The following TEX10 variants were observed in gnomAD, a reference collection of about 807,000 sequenced individuals.
The protein encoded by TEX10 is testis-expressed protein 10.
In TEX10, 24 loss-of-function variants were observed where a neutral mutation model predicts 104.4. The ratio of observed to expected loss-of-function variants is 0.23; its 90% CI spans 0.17 to 0.32. The LOEUF (loss-of-function observed/expected upper bound fraction) is 0.32, where lower values mean the gene tolerates loss of function less well. Ranked by LOEUF, TEX10 falls within the 10% of genes least tolerant of loss-of-function variation. The pLI is 1.00. For missense variants in TEX10, 921 were observed against 1,083.9 expected (o/e 0.85, Z 2.11); for synonymous variants, 396 against 393.4 (o/e 1.01, Z -0.08).
At chr9:100,338,476 C>G (rs1835068406) in intron 5 of TEX10, among the ~76,000 whole-genome samples, 1 of 152,192 alleles carries the variant, frequency 6.6e-6, no homozygotes, top group Non-Finnish European at 1.5e-5. Context: ...CAAGCTTCTT[C>G]CCTTCTTTGT....
intron 7 of TEX10, among the ~76,000 whole-genome samples, chr9:100,328,938 C>T (rs1450614621): frequency 6.6e-6 from 1 of 152,202 alleles, no homozygotes. Flanking sequence ...AGTCTTTTAT[C>T]TGTTCAGATA....
At chr9:100,338,908 G>C (rs1035799855) in intron 5 of TEX10, among the ~76,000 whole-genome samples, 4 of 151,534 alleles carry the variant, frequency 2.6e-5, no homozygotes, top group African/African-American at 9.7e-5. Context: ...AATCACTGTC[G>C]CAGTTTCTGT....
chr9:100,311,704 T>C (rs2118839008), intron 11 of TEX10, among the ~76,000 whole-genome samples: 1 of 152,276 alleles, frequency 6.6e-6, no homozygotes, highest in Non-Finnish European at 1.5e-5. Context: ...GTAAAACCCC[T>C]AGTATTTTTA....
intron 7 of TEX10, among the ~76,000 whole-genome samples, chr9:100,328,382 C>A (rs1403062422): frequency 6.6e-6 from 1 of 152,114 alleles, no homozygotes; most frequent in Non-Finnish European, 1.5e-5. Context: ...TTCACTAGGT[C>A]CCCTGAAAGG....
intron 8 of TEX10, 46 bp from the exon 9 acceptor site, chr9:100,326,525 C>T (rs1834709190): frequency 2.6e-6 from 4 of 1,543,608 alleles, no homozygotes; most frequent in Non-Finnish European, 2.6e-6. Flanking sequence ...AAAAGACATG[C>T]AAACCAGAGA....
intron 5 of TEX10, among the ~76,000 whole-genome samples, chr9:100,331,852 T>G (rs1292503324): frequency 6.6e-6 from 1 of 152,186 alleles, no homozygotes; most frequent in Non-Finnish European, 1.5e-5. Context: ...TGGTATGAAC[T>G]GGGAGAAGGA....
chr9:100,333,659 A>T lies in TEX10; in HGVS notation c.1251-3490T>A, dbSNP rs563386775. On this transcript the variant is annotated intron_variant, in intron 5 of 14. Transcript: ENST00000374902. ...CATAAAAAAAAAAAAAAAAAAAACCACAACAAAAAAATGCACTAAAGCAAA... is the reference window on the plus strand; with the variant it reads ...CATAAAAAAAAAAAAAAAAAAAACCTCAACAAAAAAATGCACTAAAGCAAA... Among the ~76,000 whole-genome samples, 12 of 149,888 alleles carry T rather than the reference A, an allele frequency of 8.0e-5. No individual in the cohort carries two copies. In the East Asian group the frequency reaches 2.3e-3, roughly 29 times the overall value.
chr9:100,307,420 T>C (rs1213542054), intron 13 of TEX10: 4 of 152,200 alleles, frequency 2.6e-5, no homozygotes, highest in Non-Finnish European at 4.4e-5. Context: ...TAACCCTTTA[T>C]AGAAAGAACT....
At chr9:100,343,091 C>T (rs1486810784) in intron 4 of TEX10, among the ~76,000 whole-genome samples, 2 of 151,048 alleles carry the variant, frequency 1.3e-5, no homozygotes, top group Non-Finnish European at 2.9e-5. Flanking sequence ...GAGCCAGGAT[C>T]GCGCCACTGC....
chr9:100,344,749 G>C (rs1214803649), intron 4 of TEX10, among the ~76,000 whole-genome samples: 2 of 152,206 alleles, frequency 1.3e-5, no homozygotes, highest in Non-Finnish European at 2.9e-5. Flanking sequence ...AAGAGGCTGA[G>C]GCAGGAGAAT....
In TEX10 at chr9:100,327,975, A is replaced by G; in HGVS notation, c.1626-13T>C. The G allele has an allele frequency of 6.6e-7, 1 of 1,517,122 alleles. No individual in the cohort carries two copies. The allele number at this position is 1,517,122 out of a possible 1,614,324, so 94.0% of individuals were successfully genotyped here. ...TTTACTACGATATCTTAGAAAGGCC[A>G]AAGAAGAATAAAATGTAATACTCAA... is the stretch of plus-strand genomic sequence containing the variant. On this transcript the variant is annotated splice_polypyrimidine_tract_variant and intron_variant, in intron 7 of 14. Transcript: ENST00000374902.
At chr9:100,317,079 T>G (rs1048989228) in intron 11 of TEX10, among the ~76,000 whole-genome samples, 3 of 152,006 alleles carry the variant, frequency 2.0e-5, no homozygotes, top group African/African-American at 7.3e-5. Flanking sequence ...AATTAATCTT[T>G]AGATTAAATG....
In TEX10 at chr9:100,327,873, T is replaced by C. The variant is rs1834748302; in HGVS notation, c.1715A>G (p.Gln572Arg). 3.1e-6 allele frequency: 5 copies of C among 1,609,300 alleles called. No individual in the cohort carries two copies. The highest frequency in any genetic ancestry group is 3.3e-5 in the Admixed American group (2 of 59,936). The stretch of plus-strand genomic sequence containing the variant: ...AGCGGTATGAATGATATCGATAAGC[T>C]GTGTAGAGAGCTCAGGATTTCGGGA... Reference protein sequence around the residue: ...LGSRNPELSTQLIDIIHTAAA... With the variant: ...LGSRNPELSTRLIDIIHTAAA... Residue 572 changes from glutamine to arginine, a missense_variant, in exon 8 of 15, where the codon CAG (glutamine) becomes CGG (arginine). Around this residue, in one of 3 missense-constraint regions of TEX10, gnomAD observed 753 missense variants for 868.4 expected, o/e 0.87. Transcript: ENST00000374902.
intron 12 of TEX10, among the ~76,000 whole-genome samples, chr9:100,309,762 T>A (rs1293888578): frequency 6.6e-6 from 1 of 152,172 alleles, no homozygotes; most frequent in African/African-American, 2.4e-5. Context: ...GATAAGAGTA[T>A]AAACACTGGA....
At chr9:100,331,430 C>T (rs989669787) in intron 5 of TEX10, among the ~76,000 whole-genome samples, 5 of 152,026 alleles carry the variant, frequency 3.3e-5, no homozygotes, top group South Asian at 2.1e-4. Flanking sequence ...AAGAGAGACC[C>T]TATCACTAAA....
chr9:100,346,076 T>G lies in TEX10; in HGVS notation c.1133A>C (p.Lys378Thr), dbSNP rs1343027310. 2 of 1,610,222 alleles carry G rather than the reference T, an allele frequency of 1.2e-6. No homozygotes were observed. The highest frequency in any genetic ancestry group is 2.7e-5 in the African/African-American group (2 of 74,708). The change falls in exon 4 of 15, where the codon AAA becomes ACA. Residue 378 changes from lysine (K) to threonine (T), a missense_variant. Transcript: ENST00000374902. ...KLSKQQDETH[K>T]LESWLRKNYL... ...TAAAGAACCATTAGTTCTCACCAATTTATGGGTTTCATCCTGTTGTTTAGA... is the reference window on the plus strand; with the variant it reads ...TAAAGAACCATTAGTTCTCACCAATGTATGGGTTTCATCCTGTTGTTTAGA...
intron 11 of TEX10, among the ~76,000 whole-genome samples, chr9:100,312,056 G>C (rs1374678510): frequency 1.3e-5 from 2 of 152,030 alleles, no homozygotes. Flanking sequence ...ATTTTACTTG[G>C]TAACTTCTTT....
intron 5 of TEX10, among the ~76,000 whole-genome samples, chr9:100,335,814 G>A (rs1270595657): frequency 3.3e-5 from 5 of 151,796 alleles, no homozygotes; most frequent in African/African-American, 1.2e-4. Context: ...CACTTAAAAA[G>A]TGGTTTAAAT....
At chr9:100,319,058 G>A (rs893662986) in intron 11 of TEX10, among the ~76,000 whole-genome samples, 1 of 152,056 alleles carries the variant, frequency 6.6e-6, no homozygotes, top group African/African-American at 2.4e-5. Context: ...CAGGAGTAGT[G>A]GCGGGCGCCT....
Sources: allele counts gnomAD v4.1 joint callset (sites outside exome capture counted in the v4.1 genomes callset), GRCh38; gene constraint gnomAD v4.1.1; regional missense constraint gnomAD v4.1.1; transcripts MANE v1.5; gene names NCBI Gene and HGNC (gene_info 2026-07-23, HGNC 2026-07-21).